The following UGT2A1 variants were observed in gnomAD, a reference collection of about 807,000 sequenced individuals.
The protein encoded by UGT2A1 is UDP glucuronosyltransferase family 2 member A1 complex locus, also known as UDP-glucuronosyltransferase 2A1.
Under a neutral mutation model 45.4 loss-of-function variants are expected in UGT2A1, and 61 were observed. The ratio of observed to expected loss-of-function variants is 1.34; its 90% CI spans 1.09 to 1.66. The LOEUF (loss-of-function observed/expected upper bound fraction) is 1.66. Among genes scored for constraint, UGT2A1 ranks in the 40% most tolerant of loss-of-function variants. The pLI is 0.00. For synonymous variants in UGT2A1, 229 were observed against 196.2 expected, an observed-to-expected ratio of 1.17 and a Z score of -1.40; for missense variants, 649 against 574.3, an observed-to-expected ratio of 1.13 and a Z score of -1.33.
intron 4 of UGT2A1, chr4:69,596,105 T>A (rs1718904756): frequency 8.3e-7 from 1 of 1,201,930 alleles, no homozygotes. Context: ...ACAATTTTAA[T>A]ATATTACACA....
chr4:69,591,401 A>G (rs1689397315), intron 6 of UGT2A1, among the ~76,000 whole-genome samples: 1 of 152,158 alleles, frequency 6.6e-6, no homozygotes, highest in South Asian at 2.1e-4. Flanking sequence ...CTGGTTGACA[A>G]TTGGTTGAGT....
At chr4:69,638,812 T>G (rs1014635991) in intron 2 of UGT2A1, 1 of 1,422,226 alleles carries the variant, frequency 7.0e-7, no homozygotes, top group African/African-American at 1.4e-5. Context: ...GCTCAGCATA[T>G]GCAGTGGAAT....
At chr4:69,647,771 T>A (rs1156555847) in intron 1 of UGT2A1, 73 bp from the exon 2 acceptor site, 2 of 645,944 alleles carry the variant, frequency 3.1e-6, no homozygotes, top group Non-Finnish European at 5.0e-6. Flanking sequence ...CTTAAAAGCC[T>A]TCTTTCTAGA....
chr4:69,637,934 GGAAGGAAGGAAA>G (rs1324694487), intron 2 of UGT2A1, among the ~76,000 whole-genome samples: 1 of 138,966 alleles, frequency 7.2e-6, no homozygotes, highest in African/African-American at 2.7e-5. Flanking sequence ...CAGGCAGGAA[GGAAGGAAGGAAA>G]GAAGGAAGGA....
chr4:69,622,400 TTTAA>T (rs983680840), intron 3 of UGT2A1, among the ~76,000 whole-genome samples: 7 of 151,726 alleles, frequency 4.6e-5, no homozygotes, highest in African/African-American at 1.7e-4. Flanking sequence ...ATACGAATTA[TTTAA>T]TTAATTATCT....
In UGT2A1 at chr4:69,652,242, T is replaced by C. The variant is rs1021913054; in HGVS notation, c.-55+946A>G. Among the ~76,000 whole-genome samples the C allele has an allele frequency of 2.0e-5, 3 of 152,008 alleles. No homozygotes were observed. In the East Asian group the frequency reaches 5.8e-4, roughly 29 times the overall value. ...CATTCACATTAACACAATTGGTTAT[T>C]GCTTTTACAACAGCATTTTCTTTAG... On this transcript the variant is annotated intron_variant, in intron 1 of 6. Transcript: ENST00000286604.
intron 2 of UGT2A1, chr4:69,639,468 T>C (rs1281070914): frequency 2.5e-6 from 4 of 1,613,182 alleles, no homozygotes; most frequent in South Asian, 2.2e-5. Flanking sequence ...TACAGTCACA[T>C]TGTGATTTCT....
chr4:69,632,653 G>A (rs555726009), intron 3 of UGT2A1, among the ~76,000 whole-genome samples: 2 of 152,222 alleles, frequency 1.3e-5, no homozygotes, highest in African/African-American at 4.8e-5. Context: ...ACTTTGGGAG[G>A]CAGAGGCGGG....
At chr4:69,591,699 A>G (rs151112292) in intron 6 of UGT2A1, among the ~76,000 whole-genome samples, 52 of 152,280 alleles carry the variant, frequency 3.4e-4, no homozygotes, top group African/African-American at 1.3e-3. Context: ...TTGGGTGAGA[A>G]GCTTAGAATT....
intron 2 of UGT2A1, among the ~76,000 whole-genome samples, chr4:69,636,505 A>T (rs1402469359): frequency 6.6e-6 from 1 of 150,752 alleles, no homozygotes; most frequent in Non-Finnish European, 1.5e-5. Flanking sequence ...TAATTTCTTA[A>T]ATGATAGAAT....
At chr4:69,619,363 G>GT (rs1230378784) in intron 3 of UGT2A1, among the ~76,000 whole-genome samples, 45 of 151,870 alleles carry the variant, frequency 3.0e-4, no homozygotes, top group African/African-American at 1.1e-3. Context: ...CAGTGGCACT[G>GT]TACTTCAGCC....
In UGT2A1 at chr4:69,618,221, T is replaced by TTGTGTG. The variant is rs112693693; in HGVS notation, c.847+17464_847+17469dup. On this transcript the variant is annotated intron_variant, in intron 3 of 6. Transcript: ENST00000286604. ...TGTGTGTGTGTGTGTGTGTGTATGT[T>TTGTGTG]TGTGTGTGTGTGTGTGTATGTGTGT... 6.8e-4 allele frequency among the ~76,000 whole-genome samples: 98 copies of TTGTGTG among 144,732 alleles called. 1 individual carries two copies. Among genetic ancestry groups the TTGTGTG allele is most frequent in the Middle Eastern group, 3.4e-3 (1 of 290 alleles). The allele number at this position is 144,732 out of a possible 152,430, so 94.9% of individuals were successfully genotyped here.
intron 3 of UGT2A1, among the ~76,000 whole-genome samples, chr4:69,608,560 A>G (rs1199387432): frequency 6.6e-6 from 1 of 152,130 alleles, no homozygotes; most frequent in Non-Finnish European, 1.5e-5. Flanking sequence ...AACTTAAAGT[A>G]TAATAAAAAG....
In UGT2A1 at chr4:69,599,266, G is replaced by A. The variant is rs767014856; in HGVS notation, c.976C>T (p.Pro326Ser). Reference sequence around the variant, plus strand: ...CCTACCTTAGGTAAAGGTTTGGCAGGTTTGCAGTGCAATCCTCCAACAAAC... The same window carrying A: ...CCTACCTTAGGTAAAGGTTTGGCAGATTTGCAGTGCAATCCTCCAACAAAC... ...FEFVGGLHCK[P>S]AKPLPKVLWR... Residue 326 changes from proline (P) to serine (S), a missense_variant, in exon 4 of 7, where the codon CCT becomes TCT. Transcript: ENST00000286604. 1.2e-6 allele frequency: 2 copies of A among 1,613,542 alleles called. No individual in the cohort carries two copies. Among genetic ancestry groups the A allele is most frequent in the Non-Finnish European group, 1.7e-6 (2 of 1,179,806 alleles).
chr4:69,653,078 CA>C (rs2109987331), intron 1 of UGT2A1, 109 bp downstream of exon 1: 1 of 152,030 alleles, frequency 6.6e-6, no homozygotes, highest in South Asian at 2.1e-4. Context: ...TGAAACAAAC[CA>C]AAAGGTAAAC....
At chr4:69,599,495 A>C (rs1007028117) in intron 3 of UGT2A1, 101 bp from the exon 4 acceptor site, 3 of 1,533,778 alleles carry the variant, frequency 2.0e-6, no homozygotes, top group Admixed American at 4.4e-5. Context: ...GTTAAGAAAA[A>C]ACTGAATTAG....
At chr4:69,623,944 A>T (rs1720896528) in intron 3 of UGT2A1, among the ~76,000 whole-genome samples, 1 of 151,656 alleles carries the variant, frequency 6.6e-6, no homozygotes, top group African/African-American at 2.4e-5. Flanking sequence ...CAAGCACCTT[A>T]AAAAAGCATC....
At chr4:69,608,030 G>A (rs1237350737) in intron 3 of UGT2A1, among the ~76,000 whole-genome samples, 1 of 152,144 alleles carries the variant, frequency 6.6e-6, no homozygotes, top group Non-Finnish European at 1.5e-5. Context: ...CAGGGATCTA[G>A]AATTAGAAAT....
rs760710550 is a variant in UGT2A1, at chr4:69,595,189, CAA to C, written c.1055_1056del (p.Phe352Ter). ...AGAAGATCATTCTGGGGTATCCAAT[CAA>C]AGAGCTGAGTATTGTTTCCTAATGT... ...PATLGNNTQLFDWIPQNDLLG... is the reference protein window; with the variant it reads ...PATLGNNTQLXDWIPQNDLLG... On this transcript the variant is annotated frameshift_variant, in exon 5 of 7. Transcript: ENST00000286604. LOFTEE classifies it high-confidence loss of function. 1.2e-6 allele frequency: 2 copies of C among 1,613,836 alleles called. No individual in the cohort carries two copies. Among genetic ancestry groups the C allele is most frequent in the African/African-American group, 2.7e-5 (2 of 75,026 alleles).
Sources: gnomAD v4.1 joint callset for allele counts (sites outside exome capture counted in the v4.1 genomes callset) on GRCh38, gnomAD v4.1.1 for gene constraint, MANE v1.5 for transcripts, NCBI Gene and HGNC (gene_info 2026-07-23, HGNC 2026-07-21) for gene names.